Variants in SPATA6 observed in about 807,000 individuals in gnomAD.
SPATA6 encodes the protein spermatogenesis associated 6, also known as spermatogenesis-associated protein 6.
SPATA6 carries 56 observed loss-of-function variants against 65.3 expected under a neutral mutation model. The ratio of observed to expected loss-of-function variants is 0.86; its 90% CI spans 0.69 to 1.07. SPATA6 has a LOEUF of 1.07. SPATA6 is among the 50% of genes least tolerant of loss of function. The pLI is 0.00. For synonymous variants in SPATA6, 199 were observed against 213.2 expected (o/e 0.93, Z 0.58); for missense variants, 590 against 594.8 (o/e 0.99, Z 0.08).
At chr1:48,343,783 G>A (rs1360067766) in intron 11 of SPATA6, among the ~76,000 whole-genome samples, 3 of 152,016 alleles carry the variant, frequency 2.0e-5, no homozygotes, top group African/African-American at 7.2e-5. Flanking sequence ...AGCAGGGGTT[G>A]GCAAACATTG....
chr1:48,263,086 A>T, the SPATA6 span: 1 of 152,292 alleles, frequency 6.6e-6, no homozygotes, highest in South Asian at 2.1e-4. Flanking sequence ...CTAGCAGATG[A>T]AGATCTGACA....
chr1:48,277,803 T>A, the SPATA6 span, among the ~76,000 whole-genome samples: 2 of 152,204 alleles, frequency 1.3e-5, no homozygotes, highest in African/African-American at 4.8e-5. Flanking sequence ...TAAATGTCCC[T>A]CTCTGACAGC....
intron 9 of SPATA6, among the ~76,000 whole-genome samples, chr1:48,380,233 A>G (rs1393706511): frequency 6.6e-6 from 1 of 152,208 alleles, no homozygotes; most frequent in Non-Finnish European, 1.5e-5. Flanking sequence ...AAAGTGTTCT[A>G]TTACTTGAAT....
At chr1:48,392,386 A>G (rs1224396160) in intron 8 of SPATA6, among the ~76,000 whole-genome samples, 2 of 152,182 alleles carry the variant, frequency 1.3e-5, no homozygotes, top group Admixed American at 1.3e-4. Context: ...ATAACTAGAT[A>G]AAGCTTACAA....
chr1:48,354,389 T>C (rs1646598683), intron 11 of SPATA6, among the ~76,000 whole-genome samples: 1 of 152,070 alleles, frequency 6.6e-6, no homozygotes, highest in African/African-American at 2.4e-5. Context: ...GGTAGATACA[T>C]ACCCAAATAA....
At chr1:48,375,526 A>AT (rs987100362) in intron 9 of SPATA6, among the ~76,000 whole-genome samples, 4 of 151,166 alleles carry the variant, frequency 2.6e-5, no homozygotes, top group East Asian at 3.9e-4. Flanking sequence ...TTTGTTTTGT[A>AT]TTTTTTTTTA....
At chr1:48,333,680 T>G (rs186061990) in intron 11 of SPATA6, among the ~76,000 whole-genome samples, 4 of 152,046 alleles carry the variant, frequency 2.6e-5, no homozygotes, top group Non-Finnish European at 5.9e-5. Context: ...ATTAAATACC[T>G]GCATCAAAAA....
the SPATA6 span, among the ~76,000 whole-genome samples, chr1:48,277,798 G>A: frequency 6.6e-6 from 1 of 152,342 alleles, no homozygotes; most frequent in East Asian, 1.9e-4. Flanking sequence ...AGACTTAAAT[G>A]TCCCTCTCTG....
chr1:48,399,687 T>C, intron 6 of SPATA6, 43 bp from the exon 7 acceptor site: 2 of 1,501,174 alleles, frequency 1.3e-6, no homozygotes, highest in African/African-American at 2.8e-5. Context: ...AAGGGGATTT[T>C]TAAAATTCCT....
chr1:48,363,733 C>T (rs1005284285), intron 9 of SPATA6, among the ~76,000 whole-genome samples: 12 of 151,282 alleles, frequency 7.9e-5, no homozygotes, highest in African/African-American at 2.7e-4. Flanking sequence ...TAATCTGAAA[C>T]TGGTACAGGT....
chr1:48,415,872 G>A (rs932614890), intron 3 of SPATA6, among the ~76,000 whole-genome samples: 2 of 152,074 alleles, frequency 1.3e-5, no homozygotes, highest in Non-Finnish European at 2.9e-5. Context: ...ATATCCCTAG[G>A]CATGTCATAT....
intron 9 of SPATA6, among the ~76,000 whole-genome samples, chr1:48,382,638 C>CA (rs1177851895): frequency 4.6e-5 from 1 of 21,794 alleles, no homozygotes; most frequent in Non-Finnish European, 1.0e-4. Flanking sequence ...GACCCCCCCC[C>CA]CCCCGCCTCC....
chr1:48,311,388 A>G (rs1401294273), intron 11 of SPATA6, among the ~76,000 whole-genome samples: 1 of 152,188 alleles, frequency 6.6e-6, no homozygotes, highest in Non-Finnish European at 1.5e-5. Context: ...TAAAAAGGGT[A>G]ATAAGGAAAT....
chr1:48,363,107 C>A lies in SPATA6; in HGVS notation c.910-3337G>T, dbSNP rs1376791289. Among the ~76,000 whole-genome samples, 3 of 152,156 alleles carry A rather than the reference C, an allele frequency of 2.0e-5. No homozygotes were observed. The East Asian group carries it at 5.8e-4, about 29-fold the overall frequency. On this transcript the variant is annotated intron_variant, in intron 9 of 12. Transcript: ENST00000371847. ...AAGTAATTGCGCAATGGGAACACAGCTTGAATGTATTCCTTCCATGGAATT... is the reference window on the plus strand; with the variant it reads ...AAGTAATTGCGCAATGGGAACACAGATTGAATGTATTCCTTCCATGGAATT...
intron 8 of SPATA6, among the ~76,000 whole-genome samples, chr1:48,389,972 A>G (rs527520649): frequency 2.2e-4 from 33 of 152,288 alleles, no homozygotes; most frequent in African/African-American, 7.7e-4. Flanking sequence ...ATATAGAAAA[A>G]CACCAGAAAA....
chr1:48,290,779 T>G, downstream of SPATA6, among the ~76,000 whole-genome samples: 1 of 152,144 alleles, frequency 6.6e-6, no homozygotes, highest in Non-Finnish European at 1.5e-5. Flanking sequence ...AAGGGATCAA[T>G]TCAACAAGAA....
At chr1:48,287,985 C>G in the SPATA6 span, among the ~76,000 whole-genome samples, 2 of 152,166 alleles carry the variant, frequency 1.3e-5, no homozygotes, top group Non-Finnish European at 2.9e-5. Flanking sequence ...TCCTGTATAT[C>G]TATTTTGTTT....
chr1:48,282,273 G>C, the SPATA6 span, among the ~76,000 whole-genome samples: 1 of 152,104 alleles, frequency 6.6e-6, no homozygotes, highest in Non-Finnish European at 1.5e-5. Context: ...CATAGGCATG[G>C]GCAAGGATTT....
chr1:48,339,300 T>C (rs1186810940), intron 11 of SPATA6, among the ~76,000 whole-genome samples: 1 of 152,036 alleles, frequency 6.6e-6, no homozygotes, highest in East Asian at 1.9e-4. Flanking sequence ...CAGTCCCTTT[T>C]GGATCAAGGT....
Sources: gnomAD v4.1 joint callset for allele counts (sites outside exome capture counted in the v4.1 genomes callset) on GRCh38, gnomAD v4.1.1 for gene constraint, MANE v1.5 for transcripts, NCBI Gene and HGNC (gene_info 2026-07-23, HGNC 2026-07-21) for gene names.